TENM3: variants seen among roughly 807,000 people sequenced by gnomAD.
TENM3 encodes the protein teneurin-3.
Under a neutral mutation model 255.1 loss-of-function variants are expected in TENM3, and 63 were observed. The ratio of observed to expected loss-of-function variants is 0.25; its 90% CI spans 0.20 to 0.30. The LOEUF (loss-of-function observed/expected upper bound fraction) is 0.30, where lower values mean the gene tolerates loss of function less well. Among genes scored for constraint, TENM3 ranks in the 10% least tolerant of loss-of-function variants. TENM3 has a pLI of 1.00. For synonymous variants in TENM3, 1,306 were observed against 1,322.3 expected, an observed-to-expected ratio of 0.99 and a Z score of 0.27; for missense variants, 2,929 against 3,461.1, an observed-to-expected ratio of 0.85 and a Z score of 3.86.
At chr4:182,744,112 TTTTTA>T (rs1417288143) in intron 19 of TENM3, 1 of 847,866 alleles carries the variant, frequency 1.2e-6, no homozygotes, top group South Asian at 4.6e-5. Context: ...TTTTTTTTTT[TTTTTA>T]CCTTTTTTTA....
Position 182,364,180 on chromosome 4 carries a change from A to G in TENM3, c.511+17251A>G, listed in dbSNP as rs1175161002. Among the ~76,000 whole-genome samples the G allele has an allele frequency of 3.9e-5, 6 of 152,068 alleles. 1 individual carries two copies. In the South Asian group the frequency reaches 1.2e-3, roughly 32 times the overall value. ...TGATGGGATACGACAGATGTGATAA[A>G]AGTGGAACCTGAGATCAAATGAACT... On this transcript the variant is annotated intron_variant, in intron 3 of 27. Coordinates refer to ENST00000511685, the MANE Select transcript of TENM3 (RefSeq NM_001080477.4).
intron 1 of TENM3, among the ~76,000 whole-genome samples, chr4:182,203,217 C>CAA (rs1165540899): frequency 3.1e-5 from 4 of 130,814 alleles, no homozygotes; most frequent in African/African-American, 1.1e-4. Context: ...AACTCCATCT[C>CAA]AAAAAAAAAA....
intron 1 of TENM3, among the ~76,000 whole-genome samples, chr4:182,193,132 A>G (rs1220248659): frequency 1.3e-5 from 2 of 152,236 alleles, no homozygotes; most frequent in African/African-American, 2.4e-5. Context: ...ATACACCATC[A>G]CAGGTTTGGA....
the TENM3 span, among the ~76,000 whole-genome samples, chr4:181,759,708 A>G: frequency 3.4e-5 from 5 of 148,700 alleles, no homozygotes; most frequent in Admixed American, 6.9e-5. Context: ...AAGGATTTAA[A>G]TAATGCAATC....
chr4:181,904,870 G>A, the TENM3 span, among the ~76,000 whole-genome samples: 6 of 152,224 alleles, frequency 3.9e-5, no homozygotes, highest in East Asian at 1.2e-3. Context: ...GGAGGGGGTG[G>A]GTCTTTTCCC....
chr4:181,878,509 A>T, the TENM3 span, among the ~76,000 whole-genome samples: 1 of 152,030 alleles, frequency 6.6e-6, no homozygotes, highest in African/African-American at 2.4e-5. Context: ...TTTGGTTATG[A>T]TCTTCAGTGT....
chr4:181,708,356 G>A, the TENM3 span, among the ~76,000 whole-genome samples: 60 of 152,100 alleles, frequency 3.9e-4, no homozygotes, highest in African/African-American at 1.0e-3. Flanking sequence ...ATATAGCATC[G>A]TATTGCCAGA....
intron 4 of TENM3, among the ~76,000 whole-genome samples, chr4:182,602,491 A>G (rs1397473137): frequency 6.6e-6 from 1 of 152,232 alleles, no homozygotes; most frequent in Non-Finnish European, 1.5e-5. Context: ...AGGTCCCCAC[A>G]GTTAGTTGTC....
chr4:182,748,019 C>T (rs1229888438), intron 19 of TENM3, among the ~76,000 whole-genome samples: 2 of 152,112 alleles, frequency 1.3e-5, no homozygotes, highest in Non-Finnish European at 1.5e-5. Flanking sequence ...CTGGCTTGTT[C>T]TTTGTGAATA....
At chr4:181,724,632 TTTTG>T in the TENM3 span, among the ~76,000 whole-genome samples, 1 of 152,168 alleles carries the variant, frequency 6.6e-6, no homozygotes, top group African/African-American at 2.4e-5. Context: ...CTTGGGGGGA[TTTTG>T]TTTGTTAGTT....
the TENM3 span, among the ~76,000 whole-genome samples, chr4:181,551,870 GTGTGTGTGTGTGTGTGTGTA>G: frequency 0.029 from 1,862 of 64,614 alleles, 39 homozygotes; most frequent in African/African-American, 0.075. Flanking sequence ...GTGTGTGTGT[GTGTGTGTGTGTGTGTGTGTA>G]TATAAATTTT....
chr4:181,748,663 AG>A, the TENM3 span, among the ~76,000 whole-genome samples: 2 of 152,120 alleles, frequency 1.3e-5, no homozygotes, highest in Admixed American at 1.3e-4. Flanking sequence ...ATATAAAAAA[AG>A]TAAGTTGTAA....
chr4:181,571,280 G>A, the TENM3 span, among the ~76,000 whole-genome samples: 1 of 152,152 alleles, frequency 6.6e-6, no homozygotes. Context: ...CTGGGTCCGT[G>A]AACAGTAACA....
chr4:181,919,913 G>A, the TENM3 span, among the ~76,000 whole-genome samples: 5 of 123,426 alleles, frequency 4.1e-5, no homozygotes, highest in East Asian at 1.2e-3. Flanking sequence ...TCCCCGGAGT[G>A]TGATGTTCCC....
intron 3 of TENM3, among the ~76,000 whole-genome samples, chr4:182,396,543 C>A (rs1768824176): frequency 6.6e-6 from 1 of 152,150 alleles, no homozygotes; most frequent in South Asian, 2.1e-4. Context: ...TCTTCATTGA[C>A]ATGTTATAAA....
chr4:182,291,743 G>A (rs1424619218), intron 1 of TENM3, among the ~76,000 whole-genome samples: 1 of 152,136 alleles, frequency 6.6e-6, no homozygotes, highest in African/African-American at 2.4e-5. Context: ...AGGATGTGAT[G>A]GATACACACA....
chr4:182,537,704 ATG>A (rs1560890687), intron 3 of TENM3, among the ~76,000 whole-genome samples: 2 of 151,960 alleles, frequency 1.3e-5, no homozygotes, highest in African/African-American at 2.4e-5. Flanking sequence ...CATTTTCCAC[ATG>A]TGTTTAATTA....
the TENM3 span, among the ~76,000 whole-genome samples, chr4:181,729,745 G>A: frequency 1.3e-5 from 2 of 152,152 alleles, no homozygotes; most frequent in East Asian, 3.9e-4. Context: ...CGGCCCACGA[G>A]GGCATTATTG....
intron 1 of TENM3, among the ~76,000 whole-genome samples, chr4:182,166,310 C>A (rs554592606): frequency 1.6e-4 from 24 of 152,292 alleles, no homozygotes; most frequent in African/African-American, 5.5e-4. Context: ...TTCTTAGGGA[C>A]TTCAGCATTG....
Sources: gnomAD v4.1 joint callset for allele counts (sites outside exome capture counted in the v4.1 genomes callset) on GRCh38, gnomAD v4.1.1 for gene constraint, MANE v1.5 for transcripts, NCBI Gene and HGNC (gene_info 2026-07-23, HGNC 2026-07-21) for gene names.